The following BAIAP2 variants were observed in gnomAD, a reference collection of about 807,000 sequenced individuals.
BAIAP2 encodes the protein BAR/IMD domain containing adaptor protein 2.
In BAIAP2, 18 loss-of-function variants were observed where a neutral mutation model predicts 63.0. The observed-to-expected ratio is 0.29, with a 90% CI of 0.20 to 0.42. The LOEUF (loss-of-function observed/expected upper bound fraction) is 0.42. Among genes scored for constraint, BAIAP2 ranks in the 10% least tolerant of loss-of-function variants. The pLI is 1.00. For synonymous variants in BAIAP2, 386 were observed against 307.6 expected (o/e 1.25, Z -2.67); for missense variants, 610 against 734.3 (o/e 0.83, Z 1.96).
chr17:81,073,519 C>T (rs1437715075), intron 3 of BAIAP2, among the ~76,000 whole-genome samples: 1 of 152,182 alleles, frequency 6.6e-6, no homozygotes, highest in Non-Finnish European at 1.5e-5. Context: ...GTTTATGCTC[C>T]ATTTGGGATT....
chr17:81,114,469 T>C (rs1275688968), intron 13 of BAIAP2, among the ~76,000 whole-genome samples: 2 of 152,208 alleles, frequency 1.3e-5, no homozygotes, highest in East Asian at 3.9e-4. Context: ...AGGGCAAAGC[T>C]GCACCGATCA....
At chr17:81,057,683 A>G (rs2049822847) in intron 2 of BAIAP2, 198 bp from the exon 3 acceptor site, 3 of 1,375,794 alleles carry the variant, frequency 2.2e-6, no homozygotes, top group Non-Finnish European at 2.8e-6. Context: ...GGGAGCTCTC[A>G]TGATTGGGGT....
chr17:81,076,673 A>G (rs4969373), intron 3 of BAIAP2, among the ~76,000 whole-genome samples: 33,381 of 152,156 alleles, frequency 0.22, 4,393 homozygotes, highest in Admixed American at 0.35. Flanking sequence ...GTGTATCCAT[A>G]GGGTGAAGTT....
At chr17:81,048,702 A>G (rs1191229101) in intron 1 of BAIAP2, among the ~76,000 whole-genome samples, 1 of 152,096 alleles carries the variant, frequency 6.6e-6, no homozygotes, top group African/African-American at 2.4e-5. Flanking sequence ...CGGCCCTCCC[A>G]TTTGTACCTT....
At chr17:81,055,357 TGTG>T (rs991464623) in intron 2 of BAIAP2, among the ~76,000 whole-genome samples, 2 of 152,058 alleles carry the variant, frequency 1.3e-5, no homozygotes, top group Non-Finnish European at 2.9e-5. Context: ...CATGTTTCCT[TGTG>T]GGCATGAATG....
intron 1 of BAIAP2, 39 bp downstream of exon 1, chr17:81,035,347 TGCGCCTGGGTCGCGCGCCGCCCGC>T: frequency 7.9e-7 from 1 of 1,267,898 alleles, no homozygotes; most frequent in Non-Finnish European, 1.0e-6. Flanking sequence ...CCGCTCCGTG[TGCGCCTGGGTCGCGCGCCGCCCGC>T]GCGCCCGAGC....
At chr17:81,065,652 C>T (rs933385415) in intron 3 of BAIAP2, among the ~76,000 whole-genome samples, 20 of 152,216 alleles carry the variant, frequency 1.3e-4, no homozygotes, top group Admixed American at 9.2e-4. Context: ...CAGGCCCTCT[C>T]GCTCCCCCAC....
At chr17:81,108,941 G>C (rs935758077) in intron 13 of BAIAP2, 3 of 1,543,058 alleles carry the variant, frequency 1.9e-6, no homozygotes, top group East Asian at 4.9e-5. Flanking sequence ...GTGCAGCCAG[G>C]CAGCCGTCCT....
chr17:81,073,740 A>G (rs558815013), intron 3 of BAIAP2, among the ~76,000 whole-genome samples: 2 of 152,234 alleles, frequency 1.3e-5, no homozygotes, highest in Admixed American at 6.5e-5. Context: ...AACACGTTGT[A>G]TTTTCTGGAG....
intron 1 of BAIAP2, among the ~76,000 whole-genome samples, chr17:81,044,987 C>T (rs1432022497): frequency 6.6e-6 from 1 of 152,202 alleles, no homozygotes. Flanking sequence ...GGGGCTCTGT[C>T]CCCATTGAAG....
At chr17:81,095,642 C>T (rs373762014) in intron 6 of BAIAP2, among the ~76,000 whole-genome samples, 4 of 152,114 alleles carry the variant, frequency 2.6e-5, no homozygotes, top group African/African-American at 7.2e-5. Flanking sequence ...CAGCTCCCCC[C>T]GTCCTTCGGG....
chr17:81,105,007 C>CCCCCCAACGGCAGGGATCTT (rs2058966053), intron 10 of BAIAP2: 1 of 297,296 alleles, frequency 3.4e-6, no homozygotes, highest in Non-Finnish European at 6.4e-6. Flanking sequence ...GCAGGGATCT[C>CCCCCCAACGGCAGGGATCTT]CCCCAATGGC....
chr17:81,089,021 G>A (rs2056236222), intron 6 of BAIAP2, among the ~76,000 whole-genome samples: 1 of 152,264 alleles, frequency 6.6e-6, no homozygotes, highest in Non-Finnish European at 1.5e-5. Context: ...CTCTTCAGGA[G>A]GGCCCTGACC....
At chr17:81,105,881 C>T (rs1010660031) in intron 10 of BAIAP2, 197 bp from the exon 11 acceptor site, 3 of 549,116 alleles carry the variant, frequency 5.5e-6, no homozygotes, top group African/African-American at 1.9e-5. Context: ...ACAGCCCGGG[C>T]CACCTTGCCC....
At chr17:81,061,408 G>A (rs770189435) in intron 3 of BAIAP2, among the ~76,000 whole-genome samples, 4 of 152,012 alleles carry the variant, frequency 2.6e-5, no homozygotes, top group Non-Finnish European at 5.9e-5. Context: ...GAACTTGTCC[G>A]TCTCTCGAAG....
Position 81,110,970 on chromosome 17 carries a change from T to A in BAIAP2, c.1535+2461T>A, listed in dbSNP as rs758583011. ...GCCTGACTAGAGTTAGTAAGTTGCC[T>A]GGCGTTCTCGTGCAGTCACTGGCCT... On this transcript the variant is annotated intron_variant, in intron 13 of 13. Coordinates refer to ENST00000428708, the MANE Select transcript of BAIAP2 (RefSeq NM_001144888.2). 6 of 1,613,800 alleles carry A rather than the reference T, an allele frequency of 3.7e-6. No individual in the cohort carries two copies. The South Asian group carries it at 5.5e-5, about 15-fold the overall frequency.
At chr17:81,080,466 G>A (rs1331801027) in intron 3 of BAIAP2, among the ~76,000 whole-genome samples, 1 of 152,246 alleles carries the variant, frequency 6.6e-6, no homozygotes, top group African/African-American at 2.4e-5. Context: ...CTGGGGGCTC[G>A]GGCTGGCGGG....
chr17:81,045,033 G>A (rs533042438), intron 1 of BAIAP2, among the ~76,000 whole-genome samples: 2 of 152,374 alleles, frequency 1.3e-5, no homozygotes, highest in South Asian at 4.1e-4. Flanking sequence ...GGACAGGAAG[G>A]AAGTGGCCAG....
chr17:81,107,868 C>T (rs1172786077), intron 12 of BAIAP2: 1 of 153,476 alleles, frequency 6.5e-6, no homozygotes, highest in East Asian at 1.9e-4. Context: ...AGGTCAGCCT[C>T]TGGGGTGGGC....
Sources: allele counts gnomAD v4.1 joint callset (sites outside exome capture counted in the v4.1 genomes callset), GRCh38; gene constraint gnomAD v4.1.1; transcripts MANE v1.5; gene names NCBI Gene and HGNC (gene_info 2026-07-23, HGNC 2026-07-21).